Variants in CRADD observed in about 807,000 individuals in gnomAD.
CRADD encodes CARD and death domain containing adaptor protein.
Under a neutral mutation model 15.5 loss-of-function variants are expected in CRADD, and 9 were observed. The ratio of observed to expected loss-of-function variants is 0.58; its 90% CI spans 0.35 to 1.01. The LOEUF is 1.01. Among genes scored for constraint, CRADD ranks in the 50% least tolerant of loss-of-function variants. The pLI is 0.02. For synonymous variants in CRADD, 118 were observed against 107.6 expected (o/e 1.10, Z -0.60); for missense variants, 227 against 250.3 (o/e 0.91, Z 0.63).
At chr12:93,785,375 G>T (rs1198953752) in intron 2 of CRADD, among the ~76,000 whole-genome samples, 2 of 152,136 alleles carry the variant, frequency 1.3e-5, no homozygotes, top group Non-Finnish European at 2.9e-5. Context: ...TACTCCAAAG[G>T]GTAGTGGCTT....
At chr12:93,823,166 C>T (rs1957786727) in intron 2 of CRADD, among the ~76,000 whole-genome samples, 1 of 152,076 alleles carries the variant, frequency 6.6e-6, no homozygotes, top group South Asian at 2.1e-4. Flanking sequence ...GTGGCAGGTG[C>T]CTGTAATCCT....
At chr12:93,732,052 C>T (rs1956474437) in intron 2 of CRADD, among the ~76,000 whole-genome samples, 1 of 151,672 alleles carries the variant, frequency 6.6e-6, no homozygotes. Flanking sequence ...AGGAGAATCG[C>T]TTGAACGCAG....
chr12:93,777,647 A>G (rs1429818412), intron 2 of CRADD, among the ~76,000 whole-genome samples: 1 of 152,220 alleles, frequency 6.6e-6, no homozygotes, highest in African/African-American at 2.4e-5. Context: ...TTGCTAGTAA[A>G]TATCATAAGA....
At chr12:93,677,619 C>G (rs1259589766) in intron 1 of CRADD, 147 bp downstream of exon 1, 3 of 152,276 alleles carry the variant, frequency 2.0e-5, no homozygotes, top group Non-Finnish European at 4.4e-5. Flanking sequence ...GCCGGAGGCC[C>G]GCTCTCCCCT....
At chr12:93,818,518 G>A (rs777984912) in intron 2 of CRADD, among the ~76,000 whole-genome samples, 14 of 152,166 alleles carry the variant, frequency 9.2e-5, no homozygotes, top group Admixed American at 2.6e-4. Flanking sequence ...CTTCCTAGAC[G>A]GGTTTTGTCT....
intron 2 of CRADD, among the ~76,000 whole-genome samples, chr12:93,875,322 A>G (rs1274634196): frequency 6.6e-6 from 1 of 152,104 alleles, no homozygotes; most frequent in Middle Eastern, 3.4e-3. Context: ...TGTAGGCAAC[A>G]TATTAATGGG....
chr12:93,863,459 C>G (rs535441018), intron 2 of CRADD, among the ~76,000 whole-genome samples: 4 of 152,056 alleles, frequency 2.6e-5, no homozygotes, highest in Non-Finnish European at 4.4e-5. Flanking sequence ...CAAAAATACC[C>G]GAACGTAGCT....
chr12:93,769,726 A>C (rs1957062663), intron 2 of CRADD, among the ~76,000 whole-genome samples: 1 of 151,982 alleles, frequency 6.6e-6, no homozygotes. Context: ...TTTAATTTGC[A>C]TTTTCCTGTT....
chr12:93,886,080 G>A (rs901525093), intron 2 of CRADD, among the ~76,000 whole-genome samples: 1 of 151,742 alleles, frequency 6.6e-6, no homozygotes, highest in Non-Finnish European at 1.5e-5. Context: ...CCCAGGTGCT[G>A]GGCAAAGGTA....
At chr12:93,845,848 G>A (rs192354213) in intron 2 of CRADD, among the ~76,000 whole-genome samples, 5 of 152,214 alleles carry the variant, frequency 3.3e-5, no homozygotes, top group Admixed American at 3.3e-4. Flanking sequence ...CAATTCAGTT[G>A]TGTTAAGTAC....
At chr12:93,685,092 G>C (rs2136798829) in intron 2 of CRADD, among the ~76,000 whole-genome samples, 1 of 152,302 alleles carries the variant, frequency 6.6e-6, no homozygotes, top group East Asian at 1.9e-4. Flanking sequence ...AAGAATGATA[G>C]GAGGTCCTCA....
intron 2 of CRADD, among the ~76,000 whole-genome samples, chr12:93,825,818 T>C (rs538625289): frequency 2.6e-5 from 4 of 152,302 alleles, no homozygotes; most frequent in African/African-American, 7.2e-5. Context: ...TCAGACCCTT[T>C]GATGCCACAG....
chr12:93,732,162 G>GAAA (rs1347819470), intron 2 of CRADD, among the ~76,000 whole-genome samples: 19 of 150,732 alleles, frequency 1.3e-4, no homozygotes, highest in Non-Finnish European at 1.5e-5. Context: ...AAGAAAGAAA[G>GAAA]AAACAGTGAA....
intron 2 of CRADD, among the ~76,000 whole-genome samples, chr12:93,787,878 A>G (rs959998381): frequency 1.3e-5 from 2 of 152,212 alleles, no homozygotes; most frequent in Admixed American, 6.5e-5. Context: ...GGCCATGAGC[A>G]TGCTTCACCT....
intron 2 of CRADD, among the ~76,000 whole-genome samples, chr12:93,681,223 A>G (rs1363375887): frequency 6.6e-6 from 1 of 152,216 alleles, no homozygotes; most frequent in South Asian, 2.1e-4. Flanking sequence ...AGAGAGTTAG[A>G]AAGAATTAAG....
At chr12:93,711,055 C>CCCCCCTCTT in intron 2 of CRADD, among the ~76,000 whole-genome samples, 4 of 43,508 alleles carry the variant, frequency 9.2e-5, no homozygotes, top group Non-Finnish European at 1.3e-4. Flanking sequence ...CCACCCCCGC[C>CCCCCCTCTT]TTTTTTTTTT....
At chr12:93,817,089 C>T (rs1053387938) in intron 2 of CRADD, among the ~76,000 whole-genome samples, 8 of 151,988 alleles carry the variant, frequency 5.3e-5, no homozygotes, top group Non-Finnish European at 1.0e-4. Context: ...ATCTTAATCT[C>T]ATTTGGCTCA....
At chr12:93,807,981 C>CAA (rs368104878) in intron 2 of CRADD, among the ~76,000 whole-genome samples, 2,125 of 67,704 alleles carry the variant, frequency 0.031, 213 homozygotes, top group African/African-American at 0.11. Flanking sequence ...AAGTGTTATG[C>CAA]AAAAAAAAAA....
At chr12:93,845,161 C>A (rs1958098709) in intron 2 of CRADD, among the ~76,000 whole-genome samples, 1 of 152,058 alleles carries the variant, frequency 6.6e-6, no homozygotes, top group African/African-American at 2.4e-5. Context: ...GAGTATAGAG[C>A]CCCCAAGGAC....
Sources: gnomAD v4.1 joint callset for allele counts (sites outside exome capture counted in the v4.1 genomes callset) on GRCh38, gnomAD v4.1.1 for gene constraint, MANE v1.5 for transcripts, NCBI Gene and HGNC (gene_info 2026-07-23, HGNC 2026-07-21) for gene names.